Variants in EYS observed in about 807,000 individuals in gnomAD.
EYS encodes the protein protein eyes shut homolog.
EYS carries 250 observed loss-of-function variants against 282.1 expected under a neutral mutation model. The observed-to-expected ratio is 0.89, with a 90% CI of 0.80 to 0.98. The LOEUF is 0.98. EYS is among the 50% of genes least tolerant of loss of function. The probability of loss-of-function intolerance (pLI) is 0.00; values close to 1 mark genes in which losing one functional copy is unlikely to be tolerated. For synonymous variants in EYS, 1,355 were observed against 1,282.9 expected, an observed-to-expected ratio of 1.06 and a Z score of -1.20; for missense variants, 4,016 against 3,709.0, an observed-to-expected ratio of 1.08 and a Z score of -2.15.
chr6:64,132,799 AAATG>A (rs61695692), intron 31 of EYS, among the ~76,000 whole-genome samples: 11,001 of 151,896 alleles, frequency 0.072, 1,141 homozygotes, highest in African/African-American at 0.24. Context: ...AATATAATAC[AAATG>A]AATGTTCATA....
intron 22 of EYS, among the ~76,000 whole-genome samples, chr6:64,630,510 A>T (rs927275054): frequency 1.3e-5 from 2 of 152,198 alleles, no homozygotes; most frequent in Non-Finnish European, 2.9e-5. Context: ...TTGATATATA[A>T]TCATATTGAT....
At position 64,591,961 on chromosome 6, in the gene EYS, G is replaced by A. The variant is rs12663916; in HGVS notation, c.3906C>T (p.His1302=). The stretch of plus-strand genomic sequence containing the variant: ...CCAAACCAGTGGTTGGGAGAATGTC[G>A]TGCTTGACAATGCCTGTCTGTTTTG... The part of the protein sequence containing the change: ...QGPKQTGIVK[H]DILPTTGLAT... The change falls in exon 26 of 43, where the codon CAC becomes CAT. Residue 1302 remains histidine, a synonymous_variant. Transcript: ENST00000503581. 0.13 allele frequency: 189,131 copies of A among 1,499,362 alleles called. 13,185 individuals carry two copies. The highest frequency in any genetic ancestry group is 0.15 in the East Asian group (5,900 of 40,232). 92.9% of individuals were successfully genotyped at this position (1,499,362 alleles called of 1,614,324 possible). A position where few individuals can be genotyped will look rare whatever the true frequency, so the allele number is the denominator to read the frequency against.
intron 7 of EYS, among the ~76,000 whole-genome samples, chr6:65,398,431 A>G (rs546322202): frequency 3.9e-4 from 59 of 152,044 alleles, no homozygotes; most frequent in Non-Finnish European, 6.8e-4. Flanking sequence ...ATGCAGAAGA[A>G]TAAAACTAGA....
At chr6:65,017,041 T>C (rs1164352319) in intron 13 of EYS, among the ~76,000 whole-genome samples, 1 of 152,184 alleles carries the variant, frequency 6.6e-6, no homozygotes, top group African/African-American at 2.4e-5. Context: ...GTCTGAGTGA[T>C]GAATTTTATG....
rs139145775 is a variant in EYS at position 63,752,142 on chromosome 6, T to C, written c.8071+10319A>G. 1.9e-3 allele frequency among the ~76,000 whole-genome samples: 292 copies of C among 152,312 alleles called. 1 individual carries two copies. Among genetic ancestry groups the C allele is most frequent in the African/African-American group, 5.5e-3 (228 of 41,576 alleles). On this transcript the variant is annotated intron_variant, in intron 41 of 42. Transcript: ENST00000503581. ...AACTATAAATCTAGAAAATAAAGCATATAGTGATCCTTTCAATCAATAACT... is the reference window on the plus strand; with the variant it reads ...AACTATAAATCTAGAAAATAAAGCACATAGTGATCCTTTCAATCAATAACT...
intron 2 of EYS, among the ~76,000 whole-genome samples, chr6:65,517,340 AC>A (rs201808993): frequency 0.05 from 5,180 of 104,574 alleles, 200 homozygotes; most frequent in African/African-American, 0.14. Flanking sequence ...CAAAACAACA[AC>A]AAAAAAAAAA....
chr6:65,290,144 C>T (rs1768483173), intron 12 of EYS, among the ~76,000 whole-genome samples: 1 of 150,798 alleles, frequency 6.6e-6, no homozygotes, highest in Non-Finnish European at 1.5e-5. Flanking sequence ...AAACAACAGA[C>T]AGAATAAAAA....
At chr6:65,601,740 G>A (rs1765623835) in intron 2 of EYS, among the ~76,000 whole-genome samples, 1 of 151,860 alleles carries the variant, frequency 6.6e-6, no homozygotes, top group African/African-American at 2.4e-5. Context: ...GTGAATTTGT[G>A]GGAAAATGTC....
At chr6:65,471,293 G>A (rs951185833) in intron 5 of EYS, among the ~76,000 whole-genome samples, 1 of 150,882 alleles carries the variant, frequency 6.6e-6, no homozygotes, top group African/African-American at 2.4e-5. Flanking sequence ...GCTACTCAAT[G>A]GCTGAAGTGG....
intron 22 of EYS, among the ~76,000 whole-genome samples, chr6:64,647,087 C>G (rs1768380655): frequency 6.6e-6 from 1 of 152,066 alleles, no homozygotes; most frequent in Non-Finnish European, 1.5e-5. Flanking sequence ...GAGACATATT[C>G]TACTTCAAGA....
At chr6:64,323,031 GTTT>G (rs1203048360) in intron 29 of EYS, among the ~76,000 whole-genome samples, 1 of 151,892 alleles carries the variant, frequency 6.6e-6, no homozygotes, top group Non-Finnish European at 1.5e-5. Context: ...TTTCTTTATT[GTTT>G]AACAGCTTTA....
chr6:64,548,388 T>C (rs1414717178), intron 26 of EYS, among the ~76,000 whole-genome samples: 1 of 152,206 alleles, frequency 6.6e-6, no homozygotes, highest in Non-Finnish European at 1.5e-5. Context: ...CGTATGTTTA[T>C]TGCGGCACTA....
At chr6:64,024,087 G>A (rs1304414189) in intron 33 of EYS, among the ~76,000 whole-genome samples, 2 of 152,212 alleles carry the variant, frequency 1.3e-5, no homozygotes, top group East Asian at 3.9e-4. Flanking sequence ...ACAGCGCCCA[G>A]TCCCATCGAC....
intron 41 of EYS, among the ~76,000 whole-genome samples, chr6:63,752,038 T>C (rs976438168): frequency 6.6e-6 from 1 of 152,224 alleles, no homozygotes; most frequent in Non-Finnish European, 1.5e-5. Context: ...CTATTCCATG[T>C]TTTGTGAAGC....
Position 64,273,382 on chromosome 6 carries a change from A to G in EYS, c.6191+33588T>C, listed in dbSNP as rs1436646391. On this transcript the variant is annotated intron_variant, in intron 30 of 42. Coordinates refer to ENST00000503581, the MANE Select transcript of EYS (RefSeq NM_001142800.2). Reference sequence around the variant, plus strand: ...AACGTCATTGTTGGTTAAAGTAATCATCTGCAATCTAATCTTTCTTGGGAT... The same window carrying G: ...AACGTCATTGTTGGTTAAAGTAATCGTCTGCAATCTAATCTTTCTTGGGAT... Among the ~76,000 whole-genome samples the G allele has an allele frequency of 2.0e-5, 3 of 152,146 alleles. No homozygotes were observed. In the South Asian group the frequency reaches 6.2e-4, roughly 32 times the overall value.
At chr6:63,834,649 C>T (rs956137592) in intron 36 of EYS, among the ~76,000 whole-genome samples, 5 of 149,830 alleles carry the variant, frequency 3.3e-5, no homozygotes, top group Non-Finnish European at 7.4e-5. Flanking sequence ...TGTGGCGATT[C>T]CTCAAGGATC....
rs67505285 is a variant in EYS, at chr6:65,120,460, C to CAAAAAAAAAAAAAAA, written c.2024-62748_2024-62734dup. 2.8e-4 allele frequency among the ~76,000 whole-genome samples: 19 copies of CAAAAAAAAAAAAAAA among 68,264 alleles called. 2 individuals are homozygous for CAAAAAAAAAAAAAAA. Among genetic ancestry groups the CAAAAAAAAAAAAAAA allele is most frequent in the East Asian group, 5.6e-4 (1 of 1,780 alleles). 44.8% of individuals were successfully genotyped at this position (68,264 alleles called of 152,430 possible). On this transcript the variant is annotated intron_variant, in intron 12 of 42. Transcript: ENST00000503581. Reference sequence around the variant, plus strand: ...ACATTACTCTTTTTCTTTAAATAAGCAAAAAAAAAAAAAAAAAAAAAAAAT... The same window carrying CAAAAAAAAAAAAAAA: ...ACATTACTCTTTTTCTTTAAATAAGCAAAAAAAAAAAAAAAAAAAAAAAAAAAAAAAAAAAAAAAT...
intron 31 of EYS, among the ~76,000 whole-genome samples, chr6:64,145,395 G>A (rs1381824791): frequency 1.3e-5 from 2 of 152,072 alleles, no homozygotes. Flanking sequence ...ACTAAGCAGT[G>A]GATCTACAAT....
intron 22 of EYS, among the ~76,000 whole-genome samples, chr6:64,708,500 A>G (rs915732281): frequency 6.6e-6 from 1 of 152,184 alleles, no homozygotes; most frequent in African/African-American, 2.4e-5. Flanking sequence ...TTGTTGGGAT[A>G]CAATTGTCCA....
Sources: gnomAD v4.1 joint callset for allele counts (sites outside exome capture counted in the v4.1 genomes callset) on GRCh38, gnomAD v4.1.1 for gene constraint, MANE v1.5 for transcripts, NCBI Gene and HGNC (gene_info 2026-07-23, HGNC 2026-07-21) for gene names.